The following C12orf42 variants were observed in gnomAD, a reference collection of about 807,000 sequenced individuals.
C12orf42 encodes chromosome 12 open reading frame 42.
In C12orf42, 25 loss-of-function variants were observed where a neutral mutation model predicts 21.6. The ratio of observed to expected loss-of-function variants is 1.16; its 90% CI spans 0.84 to 1.62. The LOEUF is 1.62. Ranked by LOEUF, C12orf42 falls within the 40% of genes most tolerant of loss-of-function variation. The pLI, the probability that C12orf42 is intolerant of heterozygous loss-of-function variation, is 0.00. For missense variants in C12orf42, 483 were observed against 459.3 expected (o/e 1.05, Z -0.47); for synonymous variants, 174 against 175.0 (o/e 0.99, Z 0.05).
At chr12:103,172,640 ACC>A in the C12orf42 span, among the ~76,000 whole-genome samples, 1 of 151,894 alleles carries the variant, frequency 6.6e-6, no homozygotes, top group African/African-American at 2.4e-5. Flanking sequence ...TCATGTGGCA[ACC>A]CCACAAAGTC....
At chr12:103,467,445 C>T (rs922026694) in intron 2 of C12orf42, among the ~76,000 whole-genome samples, 8 of 152,092 alleles carry the variant, frequency 5.3e-5, no homozygotes, top group Non-Finnish European at 1.2e-4. Context: ...TGGAACTGTT[C>T]CCATCTCCAG....
chr12:103,256,111 T>TATATATATATAC (rs1439188517), intron 10 of C12orf42, among the ~76,000 whole-genome samples: 11 of 33,852 alleles, frequency 3.2e-4, no homozygotes, highest in East Asian at 7.4e-4. Context: ...TATATATATA[T>TATATATATATAC]ACACACACAC....
the C12orf42 span, among the ~76,000 whole-genome samples, chr12:103,534,126 C>T: frequency 1.3e-5 from 2 of 152,204 alleles, no homozygotes; most frequent in African/African-American, 2.4e-5. Context: ...AAATACTTAT[C>T]CTCATTGAAC....
chr12:103,077,529 AG>A, the C12orf42 span, among the ~76,000 whole-genome samples: 1 of 152,224 alleles, frequency 6.6e-6, no homozygotes, highest in East Asian at 1.9e-4. Context: ...AGCTTGAACC[AG>A]GCAGCTGACC....
intron 2 of C12orf42, among the ~76,000 whole-genome samples, chr12:103,436,154 C>A (rs1168466223): frequency 6.6e-6 from 1 of 151,126 alleles, no homozygotes; most frequent in Non-Finnish European, 1.5e-5. Context: ...CCAAACTAAG[C>A]TTCATAAGTG....
At chr12:103,267,410 GA>G (rs2035223173), downstream of C12orf42, among the ~76,000 whole-genome samples, 1 of 151,886 alleles carries the variant, frequency 6.6e-6, no homozygotes. Context: ...TCAATTCTGA[GA>G]AAAACAGACA....
At chr12:103,494,465 T>C (rs1325573161) in intron 1 of C12orf42, among the ~76,000 whole-genome samples, 1 of 152,188 alleles carries the variant, frequency 6.6e-6, no homozygotes, top group Non-Finnish European at 1.5e-5. Flanking sequence ...CTCCATTCCT[T>C]TTTTTAAGCC....
At chr12:103,212,772 TA>T in the C12orf42 span, among the ~76,000 whole-genome samples, 1 of 152,032 alleles carries the variant, frequency 6.6e-6, no homozygotes, top group Non-Finnish European at 1.5e-5. Context: ...CATACTTCCC[TA>T]AAAAAACACT....
Position 103,478,332 on chromosome 12 carries a change from T to C in C12orf42, c.78+17A>G. 1 of 1,534,862 alleles carries C rather than the reference T, an allele frequency of 6.5e-7. No homozygotes were observed. Among genetic ancestry groups the C allele is most frequent in the Non-Finnish European group, 8.9e-7 (1 of 1,123,094 alleles). On this transcript the variant is annotated intron_variant, in intron 2 of 5. Coordinates refer to ENST00000548883, the MANE Select transcript of C12orf42 (RefSeq NM_198521.5). ...ACCTAAAAAAAGTAAGAAAATATAG[T>C]ATCTCTTATGCATTACCTGCATCCT...
chr12:103,233,249 G>A (rs2033359381), downstream of C12orf42, among the ~76,000 whole-genome samples: 1 of 152,190 alleles, frequency 6.6e-6, no homozygotes, highest in African/African-American at 2.4e-5. Context: ...CTTGAGGTCA[G>A]ATAGTGTCAG....
intron 3 of C12orf42, among the ~76,000 whole-genome samples, chr12:103,382,186 T>A (rs2046239531): frequency 6.6e-6 from 1 of 152,174 alleles, no homozygotes; most frequent in South Asian, 2.1e-4. Flanking sequence ...CTATTTTCTA[T>A]CCTCATGAAA....
chr12:103,340,877 G>T (rs544768147), intron 4 of C12orf42, among the ~76,000 whole-genome samples: 30 of 152,268 alleles, frequency 2.0e-4, no homozygotes, highest in African/African-American at 7.0e-4. Flanking sequence ...ACTTTGGGAG[G>T]CCTAGGCGGG....
the C12orf42 span, among the ~76,000 whole-genome samples, chr12:103,208,008 A>G: frequency 6.6e-6 from 1 of 152,196 alleles, no homozygotes. Flanking sequence ...CCAGAATGGA[A>G]AAGCTTTTGT....
chr12:103,125,774 T>C, the C12orf42 span, among the ~76,000 whole-genome samples: 1 of 152,086 alleles, frequency 6.6e-6, no homozygotes, highest in African/African-American at 2.4e-5. Context: ...ACCACATACA[T>C]GATACAGAAA....
the C12orf42 span, among the ~76,000 whole-genome samples, chr12:103,096,736 G>T: frequency 6.6e-6 from 1 of 152,068 alleles, no homozygotes; most frequent in Non-Finnish European, 1.5e-5. Context: ...ATATTTAAAG[G>T]GTCCTTGGTG....
At chr12:103,154,308 A>T in the C12orf42 span, among the ~76,000 whole-genome samples, 7 of 152,124 alleles carry the variant, frequency 4.6e-5, no homozygotes, top group African/African-American at 1.7e-4. Flanking sequence ...TGTAATTGTG[A>T]TAAGTCTGCC....
intron 2 of C12orf42, among the ~76,000 whole-genome samples, chr12:103,474,708 T>C (rs557217975): frequency 2.9e-4 from 44 of 152,320 alleles, no homozygotes; most frequent in Middle Eastern, 6.8e-3. Flanking sequence ...TTTTCCTTTA[T>C]TATTAATGTA....
chr12:103,132,953 T>C, the C12orf42 span, among the ~76,000 whole-genome samples: 2 of 152,168 alleles, frequency 1.3e-5, no homozygotes, highest in African/African-American at 4.8e-5. Flanking sequence ...GGCCTGAGGC[T>C]CACCTTCCCC....
the C12orf42 span, among the ~76,000 whole-genome samples, chr12:103,096,937 T>A: frequency 1.3e-5 from 2 of 152,178 alleles, no homozygotes; most frequent in African/African-American, 2.4e-5. Context: ...CTATATGGTG[T>A]TTATAAAGAG....
Sources: allele counts gnomAD v4.1 joint callset (sites outside exome capture counted in the v4.1 genomes callset), GRCh38; gene constraint gnomAD v4.1.1; transcripts MANE v1.5; gene names NCBI Gene and HGNC (gene_info 2026-07-23, HGNC 2026-07-21).